BRD10: variants seen among roughly 807,000 people sequenced by gnomAD.
BRD10 encodes the protein bromodomain containing 10.
At chr9:5,977,884 G>A in the BRD10 span, among the ~76,000 whole-genome samples, 19 of 43,362 alleles carry the variant, frequency 4.4e-4, no homozygotes, top group Admixed American at 1.3e-3. Context: ...TGGTAAGGCA[G>A]ACAAAGCCAT....
At chr9:5,997,982 T>C in the BRD10 span, among the ~76,000 whole-genome samples, 1 of 152,118 alleles carries the variant, frequency 6.6e-6, no homozygotes, top group Admixed American at 6.5e-5. Context: ...GTGGTAACAA[T>C]AGAAAGAAAT....
At chr9:5,971,117 A>C in the BRD10 span, among the ~76,000 whole-genome samples, 6 of 151,616 alleles carry the variant, frequency 4.0e-5, no homozygotes, top group African/African-American at 1.5e-4. Flanking sequence ...TATTTCTTTA[A>C]AGATGTGAAC....
the BRD10 span, among the ~76,000 whole-genome samples, chr9:5,999,269 G>C: frequency 6.6e-6 from 1 of 151,922 alleles, no homozygotes; most frequent in African/African-American, 2.4e-5. Context: ...ATTATTTGGA[G>C]ATGTAAATCT....
the BRD10 span, among the ~76,000 whole-genome samples, chr9:5,893,890 G>C: frequency 6.6e-6 from 1 of 151,310 alleles, no homozygotes; most frequent in South Asian, 2.1e-4. Context: ...CGTCACTTCT[G>C]CTTATTGCTC....
chr9:5,896,282 C>T, the BRD10 span, among the ~76,000 whole-genome samples: 1 of 152,198 alleles, frequency 6.6e-6, no homozygotes, highest in Non-Finnish European at 1.5e-5. Flanking sequence ...AGCCCAGTGC[C>T]TGGCACAAAT....
the BRD10 span, among the ~76,000 whole-genome samples, chr9:5,946,473 G>C: frequency 6.6e-6 from 1 of 152,032 alleles, no homozygotes; most frequent in African/African-American, 2.4e-5. Context: ...AGTGGGTCTA[G>C]AACTAGAGAG....
chr9:5,977,600 C>A, the BRD10 span, among the ~76,000 whole-genome samples: 1 of 152,220 alleles, frequency 6.6e-6, no homozygotes, highest in African/African-American at 2.4e-5. Flanking sequence ...GTAATCCCAG[C>A]ACTTTGAGAG....
chr9:5,986,235 G>C, the BRD10 span, among the ~76,000 whole-genome samples: 2 of 152,118 alleles, frequency 1.3e-5, no homozygotes, highest in Middle Eastern at 3.2e-3. Flanking sequence ...TTAGTTTTCT[G>C]TTCCTGTGTT....
At chr9:5,934,398 G>A in the BRD10 span, among the ~76,000 whole-genome samples, 1 of 129,074 alleles carries the variant, frequency 7.7e-6, no homozygotes, top group East Asian at 2.2e-4. Context: ...TTGCTCTGTT[G>A]CCCAGGCTGG....
chr9:5,921,170 T>G, the BRD10 span: 4 of 1,613,950 alleles, frequency 2.5e-6, no homozygotes, highest in African/African-American at 5.3e-5. Flanking sequence ...CTTGCTACTT[T>G]TGTCTTCTCC....
chr9:5,934,082 T>C, the BRD10 span, among the ~76,000 whole-genome samples: 1 of 150,358 alleles, frequency 6.7e-6, no homozygotes, highest in Admixed American at 6.6e-5. Flanking sequence ...GGCAGTCATA[T>C]GAAGAAAAAA....
At chr9:5,957,653 G>A in the BRD10 span, among the ~76,000 whole-genome samples, 2 of 151,828 alleles carry the variant, frequency 1.3e-5, no homozygotes, top group South Asian at 4.1e-4. Flanking sequence ...CTTCTGTTTG[G>A]TTCAGAGCAT....
the BRD10 span, among the ~76,000 whole-genome samples, chr9:5,914,915 T>C: frequency 3.9e-5 from 6 of 152,208 alleles, no homozygotes; most frequent in Admixed American, 1.3e-4. Context: ...CTATGAACTG[T>C]TACAAAAAAT....
the BRD10 span, chr9:5,920,255 G>A: frequency 1.9e-6 from 3 of 1,613,862 alleles, no homozygotes; most frequent in Non-Finnish European, 2.5e-6. Context: ...TGGATTAGTA[G>A]ATATAAGGAG....
chr9:5,970,452 A>G, the BRD10 span, among the ~76,000 whole-genome samples: 2 of 152,212 alleles, frequency 1.3e-5, no homozygotes, highest in African/African-American at 4.8e-5. Context: ...TAGCACTACT[A>G]TAAAAACTTA....
the BRD10 span, among the ~76,000 whole-genome samples, chr9:5,981,316 C>T: frequency 0.89 from 135,788 of 152,290 alleles, 61,488 homozygotes; most frequent in Non-Finnish European, 0.99. Flanking sequence ...CCTCTATAAC[C>T]GTTTCCTGGG....
At chr9:6,008,183 C>G in the BRD10 span, 1 of 970,378 alleles carries the variant, frequency 1.0e-6, no homozygotes, top group African/African-American at 1.8e-5. Context: ...TGGGAGGGGG[C>G]GAGGAGGAAG....
the BRD10 span, among the ~76,000 whole-genome samples, chr9:5,895,383 CT>C: frequency 2.5e-3 from 358 of 143,298 alleles, no homozygotes; most frequent in South Asian, 7.1e-3. Flanking sequence ...GGGCCATCTT[CT>C]TTTTTTTTTT....
chr9:5,992,067 A>T, the BRD10 span, among the ~76,000 whole-genome samples: 1 of 152,238 alleles, frequency 6.6e-6, no homozygotes, highest in African/African-American at 2.4e-5. Flanking sequence ...AACATCTGAA[A>T]GACCTTCCCT....
Sources: allele counts gnomAD v4.1 joint callset (sites outside exome capture counted in the v4.1 genomes callset), GRCh38; gene constraint gnomAD v4.1.1; transcripts MANE v1.5; gene names NCBI Gene and HGNC (gene_info 2026-07-23, HGNC 2026-07-21).